The following USP32 variants were observed in gnomAD, a reference collection of about 807,000 sequenced individuals.
USP32 encodes the protein ubiquitin specific peptidase 32, also known as ubiquitin carboxyl-terminal hydrolase 32.
A neutral mutation model predicts 204.8 loss-of-function variants in USP32; 59 were observed. The ratio of observed to expected loss-of-function variants is 0.29; its 90% CI spans 0.23 to 0.36. The LOEUF is 0.36. Among genes scored for constraint, USP32 ranks in the 10% least tolerant of loss-of-function variants. The pLI is 1.00. For missense variants in USP32, 1,160 were observed against 1,946.4 expected (o/e 0.60, Z 7.60); for synonymous variants, 517 against 678.4 (o/e 0.76, Z 3.70).
At chr17:60,386,262 A>G (rs2089728871) in intron 1 of USP32, among the ~76,000 whole-genome samples, 1 of 152,124 alleles carries the variant, frequency 6.6e-6, no homozygotes, top group Admixed American at 6.5e-5. Flanking sequence ...ACAAGCTCTG[A>G]AAGGAGAAGC....
At chr17:60,382,969 C>T (rs1330187382) in intron 1 of USP32, among the ~76,000 whole-genome samples, 1 of 151,982 alleles carries the variant, frequency 6.6e-6, no homozygotes, top group Non-Finnish European at 1.5e-5. Context: ...AAGCACAGGC[C>T]GGGCGCGGTG....
chr17:60,380,432 G>T (rs1750400295), intron 1 of USP32, among the ~76,000 whole-genome samples: 1 of 152,144 alleles, frequency 6.6e-6, no homozygotes, highest in Admixed American at 6.6e-5. Context: ...GCAGGGCATA[G>T]TGGTGCACAC....
chr17:60,204,861 C>G (rs2084782655), intron 26 of USP32, among the ~76,000 whole-genome samples: 1 of 151,898 alleles, frequency 6.6e-6, no homozygotes, highest in Non-Finnish European at 1.5e-5. Context: ...GCAGCTTTGA[C>G]CTCCTAGTCT....
At chr17:60,179,539 A>G in intron 33 of USP32, 111 bp from the exon 34 acceptor site, 1 of 1,388,332 alleles carries the variant, frequency 7.2e-7, no homozygotes, top group South Asian at 1.4e-5. Context: ...GATTGCTTCC[A>G]ATAAGCTCAC....
chr17:60,247,950 C>A (rs1230797657), intron 11 of USP32, among the ~76,000 whole-genome samples: 2 of 152,186 alleles, frequency 1.3e-5, no homozygotes, highest in African/African-American at 4.8e-5. Context: ...TCCCAAAGCA[C>A]TAGGATTACA....
intron 2 of USP32, among the ~76,000 whole-genome samples, chr17:60,304,532 T>C (rs1185711142): frequency 1.3e-5 from 2 of 152,190 alleles, no homozygotes; most frequent in Non-Finnish European, 2.9e-5. Context: ...AAAGCATTTT[T>C]CTTATTTTTA....
chr17:60,388,740 A>C (rs148158108), intron 1 of USP32, among the ~76,000 whole-genome samples: 7 of 152,370 alleles, frequency 4.6e-5, no homozygotes, highest in African/African-American at 1.7e-4. Flanking sequence ...AACAGTGTTT[A>C]AATGTACACT....
chr17:60,387,145 A>G (rs904826760), intron 1 of USP32, among the ~76,000 whole-genome samples: 3 of 152,242 alleles, frequency 2.0e-5, no homozygotes, highest in Admixed American at 1.3e-4. Flanking sequence ...TTCCGTGTAT[A>G]GAATGATACA....
At chr17:60,273,954 T>C (rs1186160448) in intron 5 of USP32, among the ~76,000 whole-genome samples, 2 of 104,650 alleles carry the variant, frequency 1.9e-5, no homozygotes, top group African/African-American at 4.5e-5. Context: ...AGAGCGAGAC[T>C]CAGTCTCAAA....
chr17:60,289,338 C>A (rs1489998836), intron 4 of USP32, among the ~76,000 whole-genome samples: 1 of 152,096 alleles, frequency 6.6e-6, no homozygotes, highest in African/African-American at 2.4e-5. Flanking sequence ...TTAATAAATC[C>A]AATTTTTCAC....
At position 60,223,477 on chromosome 17, in the gene USP32, C is replaced by G; in HGVS notation, c.1542G>C (p.Leu514Phe). 1 of 1,613,662 alleles carries G rather than the reference C, an allele frequency of 6.2e-7. No homozygotes were observed. Among genetic ancestry groups the G allele is most frequent in the Non-Finnish European group, 8.5e-7 (1 of 1,179,894 alleles). Residue 514 changes from leucine to phenylalanine, a missense_variant, in exon 14 of 34, where the codon TTG becomes TTC. Coordinates refer to ENST00000300896, the MANE Select transcript of USP32 (RefSeq NM_032582.4). Reference protein sequence around the residue: ...CLLGANGNILLHLNPQKPGAI... With the variant: ...CLLGANGNILFHLNPQKPGAI... Reference sequence around the variant, plus strand: ...CCCCTGGTTTCTGAGGGTTAAGGTGCAACAAAATATTCCCATTGGCTCCCA... The same window carrying G: ...CCCCTGGTTTCTGAGGGTTAAGGTGGAACAAAATATTCCCATTGGCTCCCA...
chr17:60,297,794 C>T (rs941132042), intron 3 of USP32, among the ~76,000 whole-genome samples: 1 of 152,102 alleles, frequency 6.6e-6, no homozygotes, highest in African/African-American at 2.4e-5. Flanking sequence ...TTTTCTCTAG[C>T]AGTTATTGAA....
chr17:60,409,936 C>T (rs2090005731), intron 1 of USP32, among the ~76,000 whole-genome samples: 1 of 152,170 alleles, frequency 6.6e-6, no homozygotes, highest in South Asian at 2.1e-4. Flanking sequence ...GCCCATGGGT[C>T]AAGGGTTGGA....
At chr17:60,281,403 T>A (rs1306988092) in intron 5 of USP32, among the ~76,000 whole-genome samples, 1 of 152,056 alleles carries the variant, frequency 6.6e-6, no homozygotes, top group Non-Finnish European at 1.5e-5. Flanking sequence ...CCAGGCGCGG[T>A]AGCAGGCGCC....
At chr17:60,396,069 C>CTTTTTTTT (rs936063243), upstream of USP32, among the ~76,000 whole-genome samples, 4 of 74,920 alleles carry the variant, frequency 5.3e-5, no homozygotes, top group Admixed American at 1.4e-4. Context: ...GCACTTGAAG[C>CTTTTTTTT]TTTTTTTTTT....
At position 60,414,850 on chromosome 17, in the gene USP32, TCTTTC is replaced by T. The variant is rs1256834463; in HGVS notation, c.106+7391_106+7395del. On this transcript the variant is annotated intron_variant, in intron 1 of 3. Transcript: ENST00000588898. ...ACCAGATTTTTATTTTTCTTTTCTTTCTTTCTTTTTTTTTTTTTTAGATGGAGTCT... is the reference window on the plus strand; with the variant it reads ...ACCAGATTTTTATTTTTCTTTTCTTTTTTTTTTTTTTTTTAGATGGAGTCT... Among the ~76,000 whole-genome samples the T allele has an allele frequency of 2.1e-3, 311 of 150,254 alleles. 1 individual carries two copies. Among genetic ancestry groups the T allele is most frequent in the African/African-American group, 7.3e-3 (299 of 40,948 alleles).
Position 60,410,001 on chromosome 17 carries a change from C to T in USP32, c.106+12245G>A, listed in dbSNP as rs141823674. ...AGCCCCTTCCCAAAACTAACAATCT[C>T]CTTGTTCAGCGACTAAAACTGCCTT... On this transcript the variant is annotated intron_variant, in intron 1 of 3. Coordinates refer to the USP32 transcript ENST00000588898. 1.1e-4 allele frequency among the ~76,000 whole-genome samples: 17 copies of T among 152,296 alleles called. No homozygotes were observed. In the East Asian group the frequency reaches 3.3e-3, roughly 29 times the overall value.
chr17:60,365,865 C>A (rs2089300763), intron 1 of USP32, among the ~76,000 whole-genome samples: 1 of 152,194 alleles, frequency 6.6e-6, no homozygotes, highest in Admixed American at 6.5e-5. Flanking sequence ...ATACAAACTT[C>A]TGCAAAGTGT....
chr17:60,325,003 C>CA (rs1008404639), intron 2 of USP32, among the ~76,000 whole-genome samples: 20 of 150,824 alleles, frequency 1.3e-4, no homozygotes, highest in Middle Eastern at 6.8e-3. Context: ...AACTCCATCT[C>CA]AAAAAAAACA....
Sources: gnomAD v4.1 joint callset for allele counts (sites outside exome capture counted in the v4.1 genomes callset) on GRCh38, gnomAD v4.1.1 for gene constraint, MANE v1.5 for transcripts, NCBI Gene and HGNC (gene_info 2026-07-23, HGNC 2026-07-21) for gene names.